PHKB: variants seen among roughly 807,000 people sequenced by gnomAD.
PHKB encodes the protein phosphorylase kinase regulatory subunit beta.
Under a neutral mutation model 152.1 loss-of-function variants are expected in PHKB, and 122 were observed. The ratio of observed to expected loss-of-function variants is 0.80; its 90% confidence interval spans 0.69 to 0.93. PHKB has a LOEUF of 0.93. PHKB is among the 40% of genes least tolerant of loss of function. PHKB has a pLI of 0.00. For synonymous variants in PHKB, 436 were observed against 464.9 expected (o/e 0.94, Z 0.80); for missense variants, 1,304 against 1,328.4 (o/e 0.98, Z 0.29).
intron 1 of PHKB, among the ~76,000 whole-genome samples, chr16:47,478,836 A>G (rs1969915831): frequency 6.6e-6 from 1 of 152,202 alleles, no homozygotes; most frequent in African/African-American, 2.4e-5. Context: ...GCATATTGAC[A>G]GCACCCACTA....
chr16:47,665,159 A>G (rs912346101), intron 25 of PHKB, 184 bp downstream of exon 25: 20 of 590,926 alleles, frequency 3.4e-5, no homozygotes, highest in Non-Finnish European at 5.7e-5. Context: ...ATCTATGTTG[A>G]AATTAAGGAA....
chr16:47,484,687 A>T (rs1465027436), intron 1 of PHKB, among the ~76,000 whole-genome samples: 1 of 152,164 alleles, frequency 6.6e-6, no homozygotes, highest in African/African-American at 2.4e-5. Flanking sequence ...CTGTGCCTCC[A>T]TGTGGTATGA....
chr16:47,485,033 G>A (rs1970026715), intron 1 of PHKB, among the ~76,000 whole-genome samples: 1 of 152,052 alleles, frequency 6.6e-6, no homozygotes, highest in Non-Finnish European at 1.5e-5. Context: ...TATAGTTATT[G>A]TTGCTTAGCT....
At chr16:47,491,006 T>C (rs796089369) in intron 1 of PHKB, among the ~76,000 whole-genome samples, 7 of 152,366 alleles carry the variant, frequency 4.6e-5, no homozygotes, top group African/African-American at 1.7e-4. Flanking sequence ...CTTCTAATAA[T>C]CTTTCATTAA....
At chr16:47,469,789 A>C (rs902302650) in intron 1 of PHKB, among the ~76,000 whole-genome samples, 2 of 152,178 alleles carry the variant, frequency 1.3e-5, no homozygotes, top group Non-Finnish European at 2.9e-5. Flanking sequence ...AAATAAACAA[A>C]ATGTTTTTCC....
intron 7 of PHKB, among the ~76,000 whole-genome samples, chr16:47,548,642 T>G (rs1971217172): frequency 6.7e-6 from 1 of 149,770 alleles, no homozygotes; most frequent in African/African-American, 2.4e-5. Context: ...TAGAAAACAC[T>G]GGTTGAGAGG....
intron 7 of PHKB, among the ~76,000 whole-genome samples, chr16:47,552,032 C>T (rs1354856014): frequency 6.6e-6 from 1 of 152,152 alleles, no homozygotes; most frequent in Non-Finnish European, 1.5e-5. Flanking sequence ...ACTAGGATTG[C>T]CACCCTGCTT....
intron 18 of PHKB, 79 bp downstream of exon 18, chr16:47,649,283 T>TC (rs1973192278): frequency 1.2e-6 from 1 of 831,864 alleles, no homozygotes. Context: ...TATTGAGTAC[T>TC]CCCAGGTATC....
At chr16:47,537,634 T>C (rs1217595210) in intron 6 of PHKB, among the ~76,000 whole-genome samples, 1 of 152,140 alleles carries the variant, frequency 6.6e-6, no homozygotes, top group Non-Finnish European at 1.5e-5. Context: ...ATAAATTTTA[T>C]TGAACAGTAG....
chr16:47,650,466 C>A, intron 18 of PHKB, 78 bp from the exon 19 acceptor site: 1 of 859,146 alleles, frequency 1.2e-6, no homozygotes, highest in Non-Finnish European at 2.0e-6. Context: ...ATTTTGTTGG[C>A]TCTTTGGCAC....
chr16:47,500,727 A>C (rs1043012894), intron 3 of PHKB, among the ~76,000 whole-genome samples: 1 of 152,204 alleles, frequency 6.6e-6, no homozygotes, highest in African/African-American at 2.4e-5. Flanking sequence ...TAGTTAGACA[A>C]TACAAAATTT....
intron 1 of PHKB, among the ~76,000 whole-genome samples, chr16:47,466,885 G>A (rs1969678783): frequency 6.6e-6 from 1 of 152,076 alleles, no homozygotes; most frequent in South Asian, 2.1e-4. Context: ...GTGGGTTGTG[G>A]CCTCCTTTAA....
chr16:47,649,261 C>A, intron 18 of PHKB, 57 bp downstream of exon 18: 1 of 952,482 alleles, frequency 1.0e-6, no homozygotes, highest in South Asian at 1.3e-5. Flanking sequence ...CTGATTTTAT[C>A]ATATGTTACT....
rs1173170958 is a variant in PHKB, at chr16:47,660,797, A to G, written c.2174A>G (p.His725Arg). ...NISEWKDKPT[H>R]EILQKLNDCS... ...AGTGAATGGAAGGACAAACCCACCCACGAAATTCTTCAAAAACTGAATGTG... is the reference window on the plus strand; with the variant it reads ...AGTGAATGGAAGGACAAACCCACCCGCGAAATTCTTCAAAAACTGAATGTG... Residue 725 changes from histidine to arginine, a missense_variant, in exon 22 of 31, where the codon CAC becomes CGC. Physicochemically the swap from His to Arg is conservative, Grantham distance 29. Coordinates refer to ENST00000323584, the MANE Select transcript of PHKB (RefSeq NM_000293.3). 1.2e-6 allele frequency: 2 copies of G among 1,613,894 alleles called. No individual in the cohort carries two copies. Among genetic ancestry groups the G allele is most frequent in the Admixed American group, 3.3e-5 (2 of 59,994 alleles).
At chr16:47,463,551 T>G (rs1969613409) in intron 1 of PHKB, 1 of 211,282 alleles carries the variant, frequency 4.7e-6, no homozygotes, top group African/African-American at 2.3e-5. Flanking sequence ...GGAGCTTTGT[T>G]AAACACTTGA....
chr16:47,506,985 G>GT (rs1970431437), intron 4 of PHKB, among the ~76,000 whole-genome samples: 2 of 152,000 alleles, frequency 1.3e-5, no homozygotes. Flanking sequence ...TGTTTGGCTG[G>GT]TTTTTTGAGA....
intron 7 of PHKB, among the ~76,000 whole-genome samples, chr16:47,559,091 G>A (rs912510062): frequency 6.6e-6 from 1 of 152,158 alleles, no homozygotes; most frequent in Admixed American, 6.5e-5. Flanking sequence ...TGGGTTAACT[G>A]AATGTAAGTT....
At chr16:47,685,417 T>G (rs1825179266) in intron 26 of PHKB, among the ~76,000 whole-genome samples, 1 of 151,982 alleles carries the variant, frequency 6.6e-6, no homozygotes, top group Non-Finnish European at 1.5e-5. Flanking sequence ...AGGGCGAGAC[T>G]CCTCCTCAAA....
At chr16:47,506,494 T>C (rs1036571126) in intron 4 of PHKB, among the ~76,000 whole-genome samples, 1 of 152,250 alleles carries the variant, frequency 6.6e-6, no homozygotes, top group Non-Finnish European at 1.5e-5. Context: ...TCATATGTTA[T>C]GTTGAAATAA....
Sources: allele counts gnomAD v4.1 joint callset (sites outside exome capture counted in the v4.1 genomes callset), GRCh38; gene constraint gnomAD v4.1.1; transcripts MANE v1.5; gene names NCBI Gene and HGNC (gene_info 2026-07-23, HGNC 2026-07-21).